TAF1D: variants seen among roughly 807,000 people sequenced by gnomAD.
TAF1D encodes TATA-box binding protein associated factor, RNA polymerase I subunit D, also known as TATA box-binding protein-associated factor RNA polymerase I subunit D.
Under a neutral mutation model 26.2 loss-of-function variants are expected in TAF1D, and 23 were observed. That is an observed-to-expected ratio of 0.88 (90% CI 0.63 to 1.25). TAF1D has a LOEUF of 1.25. Ranked by LOEUF, TAF1D falls within the 50% of genes most tolerant of loss-of-function variation. The probability of loss-of-function intolerance (pLI) is 0.00; values close to 1 mark genes in which losing one functional copy is unlikely to be tolerated. For missense variants in TAF1D, 299 were observed against 322.0 expected (o/e 0.93, Z 0.55); for synonymous variants, 100 against 105.6 (o/e 0.95, Z 0.33).
intron 1 of TAF1D, 75 bp from the exon 2 acceptor site, chr11:93,739,406 G>A (rs931423728): frequency 2.1e-6 from 2 of 946,208 alleles, no homozygotes; most frequent in African/African-American, 3.3e-5. Flanking sequence ...TGTTGAACGT[G>A]GTCAGACTAT....
In TAF1D at chr11:93,735,880, C is replaced by A; in HGVS notation, c.*281G>T. On this transcript the variant is annotated 3_prime_UTR_variant, in exon 6 of 6. Coordinates refer to ENST00000448108, the MANE Select transcript of TAF1D (RefSeq NM_024116.4). ...CTACATTTCATTGTTTCAATACTCA[C>A]AGGACACCTGTAAGCTCTTATTCAG... 8.6e-7 allele frequency: 1 copy of A among 1,167,304 alleles called. No individual in the cohort carries two copies. The highest frequency in any genetic ancestry group is 2.4e-5 in the South Asian group (1 of 42,402). The allele number at this position is 1,167,304 out of a possible 1,614,324, so 72.3% of individuals were successfully genotyped here.
At chr11:93,731,730 T>C (rs1938965424), downstream of TAF1D, 1 of 354,176 alleles carries the variant, frequency 2.8e-6, no homozygotes, top group South Asian at 2.2e-5. Context: ...CTGCATGGCC[T>C]TTTAAGTAAT....
chr11:93,731,455 T>G (rs747916420), downstream of TAF1D: 4 of 515,678 alleles, frequency 7.8e-6, no homozygotes, highest in African/African-American at 5.8e-5. Context: ...CTTTTACCTT[T>G]GAGCTTTTAT....
chr11:93,731,330 A>G, downstream of TAF1D: 1 of 346,460 alleles, frequency 2.9e-6, no homozygotes, highest in South Asian at 2.2e-5. Flanking sequence ...ACCCCAAGTA[A>G]GGTATTGAAA....
chr11:93,731,202 G>C (rs966118401), downstream of TAF1D: 4 of 417,168 alleles, frequency 9.6e-6, no homozygotes, highest in African/African-American at 2.1e-5. Context: ...TACTGATGAA[G>C]ACTTCAAAAT....
rs377634939 is a variant in TAF1D at position 93,736,365 on chromosome 11, A to G, written c.694-61T>C. On this transcript the variant is annotated intron_variant, in intron 5 of 5. Coordinates refer to ENST00000448108, the MANE Select transcript of TAF1D (RefSeq NM_024116.4). ...ATAACTCAAATAGTTTAGTAATTAC[A>G]TATAGCTGAATGCCCTGGATTACTT... 20 of 1,511,686 alleles carry G rather than the reference A, an allele frequency of 1.3e-5. No homozygotes were observed. The East Asian group carries it at 1.7e-4, about 12-fold the overall frequency. The allele number at this position is 1,511,686 out of a possible 1,614,324, so 93.6% of individuals were successfully genotyped here.
chr11:93,733,290 A>G (rs750945566), downstream of TAF1D: 7 of 519,052 alleles, frequency 1.3e-5, no homozygotes, highest in South Asian at 9.8e-5. Context: ...AGTTAAATTC[A>G]TCATCTGAAC....
At chr11:93,732,080 A>G (rs776936465), downstream of TAF1D, 3 of 519,018 alleles carry the variant, frequency 5.8e-6, no homozygotes, top group East Asian at 5.4e-5. Flanking sequence ...ATTTAGCCAC[A>G]TTAACTATTT....
In TAF1D at chr11:93,736,759, A is replaced by G. The variant is rs1187498303; in HGVS notation, c.636-8T>C. ...GCATCCTCATCCTCTGCTCTGTAAT[A>G]TTAAAATTTATCATCGAGATGACAG... On this transcript the variant is annotated splice_region_variant and splice_polypyrimidine_tract_variant and intron_variant, in intron 4 of 5. Coordinates refer to ENST00000448108, the MANE Select transcript of TAF1D (RefSeq NM_024116.4). The G allele has an allele frequency of 1.9e-6, 3 of 1,604,578 alleles. No homozygotes were observed. In the Admixed American group the frequency reaches 5.2e-5, roughly 28 times the overall value.
At chr11:93,738,051 C>G in intron 3 of TAF1D, 58 bp downstream of exon 3, 1 of 1,502,492 alleles carries the variant, frequency 6.7e-7, no homozygotes, top group Non-Finnish European at 8.8e-7. Flanking sequence ...AATTGGCCAA[C>G]AAATCATTTT....
At chr11:93,731,317 G>A (rs755516057), downstream of TAF1D, 15 of 340,722 alleles carry the variant, frequency 4.4e-5, no homozygotes, top group Non-Finnish European at 6.3e-5. Context: ...CCTGAAACCC[G>A]GCACCCCAAG....
chr11:93,735,813 G>C lies in TAF1D; in HGVS notation c.*348C>G, dbSNP rs1376712800. On this transcript the variant is annotated 3_prime_UTR_variant, in exon 6 of 6. Coordinates refer to ENST00000448108, the MANE Select transcript of TAF1D (RefSeq NM_024116.4). ...CAAATCCCCTCTTCAAGATGGTTGGGTGTCAAGTTACTTTAAGATTTTCTT... is the reference window on the plus strand; with the variant it reads ...CAAATCCCCTCTTCAAGATGGTTGGCTGTCAAGTTACTTTAAGATTTTCTT... 4.7e-6 allele frequency: 5 copies of C among 1,069,502 alleles called. No individual in the cohort carries two copies. The highest frequency in any genetic ancestry group is 5.0e-5 in the Admixed American group (1 of 20,068). 66.3% of individuals were successfully genotyped at this position (1,069,502 alleles called of 1,614,324 possible).
Position 93,735,752 on chromosome 11 carries a change from A to G in TAF1D, c.*409T>C, listed in dbSNP as rs993700807. 15 of 1,046,998 alleles carry G rather than the reference A, an allele frequency of 1.4e-5. No homozygotes were observed. In the East Asian group the frequency reaches 1.0e-3, roughly 71 times the overall value. 64.9% of individuals were successfully genotyped at this position (1,046,998 alleles called of 1,614,324 possible). ...CTAAGCATCTGACAGGTCACTTGTC[A>G]TGGCTGAACAAAGCTGGGATAAAAT... On this transcript the variant is annotated 3_prime_UTR_variant, in exon 6 of 6. Coordinates refer to ENST00000448108, the MANE Select transcript of TAF1D (RefSeq NM_024116.4).
intron 2 of TAF1D, 124 bp downstream of exon 2, chr11:93,739,111 CTT>C (rs1489688988): frequency 1.5e-6 from 1 of 685,542 alleles, no homozygotes; most frequent in Admixed American, 3.0e-5. Context: ...ACTAGATAAA[CTT>C]GGAAGGTCAG....
Position 93,736,281 on chromosome 11 carries a change from A to C in TAF1D, c.717T>G (p.Ser239=), listed in dbSNP as rs957713360. 4.4e-6 allele frequency: 7 copies of C among 1,608,758 alleles called. No individual in the cohort carries two copies. The highest frequency in any genetic ancestry group is 2.7e-5 in the African/African-American group (2 of 74,606). The stretch of plus-strand genomic sequence containing the variant: ...ATACACTCAGTCTTACAGGGAATTC[A>C]GAACTTACTATGAAACTATCCCCCT... ...KLAGDSFIVS[S]EFPVRLSVYL... is the part of the protein sequence containing the mutation. The change falls in exon 6 of 6, where the codon TCT becomes TCG. Residue 239 remains serine, a synonymous_variant. Coordinates refer to ENST00000448108, the MANE Select transcript of TAF1D (RefSeq NM_024116.4).
chr11:93,736,102 T>C lies in TAF1D; in HGVS notation c.*59A>G. The C allele has an allele frequency of 1.2e-6, 2 of 1,605,384 alleles. No individual in the cohort carries two copies. Among genetic ancestry groups the C allele is most frequent in the Non-Finnish European group, 1.7e-6 (2 of 1,177,892 alleles). On this transcript the variant is annotated 3_prime_UTR_variant, in exon 6 of 6. Coordinates refer to ENST00000448108, the MANE Select transcript of TAF1D (RefSeq NM_024116.4). The stretch of plus-strand genomic sequence containing the variant: ...TGGTACATATATCCACATTTATCTT[T>C]ATTCATTTCTATGAAGTCGTTTTTT...
At chr11:93,730,262 C>G in exon 12 of TAF1D, 1 of 1,547,890 alleles carries the variant, frequency 6.5e-7, no homozygotes, top group Non-Finnish European at 8.7e-7. Context: ...GCCAAAAATA[C>G]ATGCTGACTT....
At chr11:93,739,381 C>T in intron 1 of TAF1D, 50 bp from the exon 2 acceptor site, 1 of 1,266,840 alleles carries the variant, frequency 7.9e-7, no homozygotes, top group Admixed American at 1.8e-5. Flanking sequence ...TAAATATTGA[C>T]AGTATCTACT....
downstream of TAF1D, chr11:93,734,392 C>A (rs1940206014): frequency 7.2e-6 from 2 of 278,478 alleles, no homozygotes; most frequent in Non-Finnish European, 1.4e-5. Context: ...ATCCAAAGTT[C>A]TGATTATTGC....
Sources: gnomAD v4.1 joint callset for allele counts on GRCh38, gnomAD v4.1.1 for gene constraint, MANE v1.5 for transcripts, NCBI Gene and HGNC (gene_info 2026-07-23, HGNC 2026-07-21) for gene names.